Variants in NCAPD3 observed in about 807,000 individuals in gnomAD.
The protein encoded by NCAPD3 is non-SMC condensin II complex subunit D3.
In NCAPD3, 105 loss-of-function variants were observed where a neutral mutation model predicts 182.9. The ratio of observed to expected loss-of-function variants is 0.57; its 90% CI spans 0.49 to 0.68. NCAPD3 has a LOEUF of 0.68. Among genes scored for constraint, NCAPD3 ranks in the 30% least tolerant of loss-of-function variants. The probability of loss-of-function intolerance (pLI) is 0.00; values close to 1 mark genes in which losing one functional copy is unlikely to be tolerated. For synonymous variants in NCAPD3, 815 were observed against 679.9 expected (o/e 1.20, Z -3.09); for missense variants, 1,944 against 1,837.0 (o/e 1.06, Z -1.07).
chr11:134,217,678 G>T (rs906263005), intron 2 of NCAPD3, among the ~76,000 whole-genome samples: 12 of 152,118 alleles, frequency 7.9e-5, no homozygotes, highest in African/African-American at 2.7e-4. Flanking sequence ...GAAGAAATGG[G>T]TTATTTTAAT....
chr11:134,193,406 C>T (rs11223723), intron 15 of NCAPD3, among the ~76,000 whole-genome samples: 3,359 of 152,208 alleles, frequency 0.022, 68 homozygotes, highest in Non-Finnish European at 0.031. Flanking sequence ...TTAATCTAGG[C>T]CTCTAGCTTA....
At chr11:134,209,800 C>A in intron 4 of NCAPD3, 1 of 258,572 alleles carries the variant, frequency 3.9e-6, no homozygotes, top group African/African-American at 2.2e-5. Flanking sequence ...TGGCTCATGC[C>A]TGTAACCCCA....
At chr11:134,165,910 A>T (rs1489453988) in intron 27 of NCAPD3, among the ~76,000 whole-genome samples, 27 of 73,392 alleles carry the variant, frequency 3.7e-4, no homozygotes, top group East Asian at 2.0e-3. Context: ...CACACTCACT[A>T]GTGAGATGAG....
Position 134,152,793 on chromosome 11 carries a change from G to T in NCAPD3, c.*151C>A. On this transcript the variant is annotated 3_prime_UTR_variant, in exon 35 of 35. Transcript: ENST00000534548. ...AAATACATCATACAGAATAGAAGGT[G>T]AGTGCCAGGCCCCTGAGGAGGAGCT... The T allele has an allele frequency of 1.6e-6, 1 of 619,538 alleles. No individual in the cohort carries two copies. Among genetic ancestry groups the T allele is most frequent in the Non-Finnish European group, 2.8e-6 (1 of 351,942 alleles). The allele number at this position is 619,538 out of a possible 1,614,324, so 38.4% of individuals were successfully genotyped here. A position where few individuals can be genotyped will look rare whatever the true frequency, so the allele number is the denominator to read the frequency against.
chr11:134,217,088 G>T lies in NCAPD3; in HGVS notation c.230C>A (p.Thr77Asn). Residue 77 changes from threonine (T) to asparagine (N), a missense_variant, in exon 3 of 35, where the codon ACC (threonine) becomes AAC (asparagine). By Grantham distance (65) the Thr-to-Asn change is moderately conservative. Coordinates refer to ENST00000534548, the MANE Select transcript of NCAPD3 (RefSeq NM_015261.3). ...GGAAACATTGTTCTCAATGAAGAAG[G>T]TCCAGATACTCTGTGGGGAGACCGC... ...GEHGSMESIWTFFIENNVSHS... is the reference protein window; with the variant it reads ...GEHGSMESIWNFFIENNVSHS... 1 of 1,609,304 alleles carries T rather than the reference G, an allele frequency of 6.2e-7. No individual in the cohort carries two copies. Among genetic ancestry groups the T allele is most frequent in the Non-Finnish European group, 8.5e-7 (1 of 1,178,184 alleles).
At chr11:134,220,384 C>G (rs1472632919) in intron 2 of NCAPD3, among the ~76,000 whole-genome samples, 188 bp downstream of exon 2, 3 of 151,654 alleles carry the variant, frequency 2.0e-5, no homozygotes, top group African/African-American at 7.3e-5. Context: ...AAAAATCAGA[C>G]AAGTACCTTG....
upstream of NCAPD3, chr11:134,224,999 A>C (rs964991169): frequency 2.4e-6 from 2 of 832,316 alleles, no homozygotes; most frequent in Non-Finnish European, 1.6e-6. Context: ...CGGCGGAGCC[A>C]GGCAGCCCCG....
intron 1 of NCAPD3, among the ~76,000 whole-genome samples, chr11:134,222,302 T>C (rs1028102005): frequency 1.9e-4 from 29 of 152,164 alleles, no homozygotes; most frequent in African/African-American, 6.0e-4. Flanking sequence ...AACAAACACT[T>C]TGAGAAAATA....
At chr11:134,178,593 A>G in intron 22 of NCAPD3, 41 bp downstream of exon 22, 2 of 1,436,520 alleles carry the variant, frequency 1.4e-6, no homozygotes, top group Non-Finnish European at 1.9e-6. Flanking sequence ...ACAGCTACAC[A>G]CAGAACGATG....
intron 4 of NCAPD3, 130 bp from the exon 5 acceptor site, chr11:134,209,607 A>G: frequency 1.2e-6 from 1 of 811,918 alleles, no homozygotes; most frequent in Non-Finnish European, 1.9e-6. Flanking sequence ...TATGACTTTG[A>G]CCAGGTCGCA....
chr11:134,194,292 T>C, intron 14 of NCAPD3, 142 bp from the exon 15 acceptor site: 1 of 803,230 alleles, frequency 1.2e-6, no homozygotes, highest in South Asian at 2.4e-5. Flanking sequence ...CCTCACAACA[T>C]CCCATTTTTC....
At position 134,182,254 on chromosome 11, in the gene NCAPD3, G is replaced by A. The variant is rs147220323; in HGVS notation, c.2452-1070C>T. Reference sequence around the variant, plus strand: ...GCAGCCTGTTCCAAGTCCTTGTCCAGCTTCTCCTGAATACCTCCAATAACA... The same window carrying A: ...GCAGCCTGTTCCAAGTCCTTGTCCAACTTCTCCTGAATACCTCCAATAACA... On this transcript the variant is annotated intron_variant, in intron 19 of 34. Coordinates refer to ENST00000534548, the MANE Select transcript of NCAPD3 (RefSeq NM_015261.3). 1.8e-3 allele frequency among the ~76,000 whole-genome samples: 279 copies of A among 152,298 alleles called. 2 individuals are homozygous for A. The highest frequency in any genetic ancestry group is 6.8e-3 in the Middle Eastern group (2 of 294).
intron 27 of NCAPD3, among the ~76,000 whole-genome samples, chr11:134,166,362 ACACT>A (rs1326553301): frequency 8.0e-5 from 1 of 12,456 alleles, no homozygotes; most frequent in African/African-American, 1.3e-3. Flanking sequence ...GGGGAGCAGC[ACACT>A]CACTTGTGAG....
chr11:134,199,795 T>G (rs1944710716), intron 13 of NCAPD3, among the ~76,000 whole-genome samples: 1 of 152,340 alleles, frequency 6.6e-6, no homozygotes, highest in South Asian at 2.1e-4. Flanking sequence ...GAAGAACTCA[T>G]GAGGACTGAA....
intron 20 of NCAPD3, 63 bp downstream of exon 20, chr11:134,181,014 T>G: frequency 1.6e-6 from 2 of 1,261,882 alleles, no homozygotes; most frequent in South Asian, 2.5e-5. Flanking sequence ...CAAAGTCATC[T>G]TTAATAGAAC....
At chr11:134,177,489 GTA>G (rs1314840146) in intron 22 of NCAPD3, 32 bp from the exon 23 acceptor site, 1 of 1,574,650 alleles carries the variant, frequency 6.4e-7, no homozygotes, top group Admixed American at 1.7e-5. Context: ...TGTCTCAACT[GTA>G]TTCTAAATCC....
intron 13 of NCAPD3, among the ~76,000 whole-genome samples, chr11:134,196,912 TTGAG>T (rs982789698): frequency 1.2e-4 from 18 of 152,286 alleles, no homozygotes; most frequent in African/African-American, 3.9e-4. Context: ...CGGATATAGT[TTGAG>T]TATTTGTCCC....
intron 27 of NCAPD3, 123 bp downstream of exon 27, chr11:134,167,873 C>T: frequency 1.1e-6 from 1 of 915,572 alleles, no homozygotes; most frequent in African/African-American, 1.9e-5. Flanking sequence ...GTGAGATGAG[C>T]TTGGGGGAGG....
chr11:134,156,302 C>T (rs539984617), intron 32 of NCAPD3, among the ~76,000 whole-genome samples: 76 of 152,262 alleles, frequency 5.0e-4, no homozygotes, highest in African/African-American at 1.6e-3. Context: ...GCTGAGGGCA[C>T]TGTGCACAGC....
Sources: allele counts gnomAD v4.1 joint callset (sites outside exome capture counted in the v4.1 genomes callset), GRCh38; gene constraint gnomAD v4.1.1; transcripts MANE v1.5; gene names NCBI Gene and HGNC (gene_info 2026-07-23, HGNC 2026-07-21).